The following PCSK7 variants were observed in gnomAD, a reference collection of about 807,000 sequenced individuals.
PCSK7 encodes the protein proprotein convertase subtilisin/kexin type 7, also known as lymphoma proprotein convertase.
PCSK7 carries 38 observed loss-of-function variants against 73.3 expected under a neutral mutation model. The ratio of observed to expected loss-of-function variants is 0.52; its 90% CI spans 0.40 to 0.68. PCSK7 has a LOEUF of 0.68. Among genes scored for constraint, PCSK7 ranks in the 30% least tolerant of loss-of-function variants. PCSK7 has a pLI of 0.00. For missense variants in PCSK7, 692 were observed against 991.5 expected (o/e 0.70, Z 4.06); for synonymous variants, 296 against 383.8 (o/e 0.77, Z 2.68).
rs758368549 is a variant in PCSK7 at position 117,228,198 on chromosome 11, C to T, written c.603+18G>A. On this transcript the variant is annotated intron_variant, in intron 4 of 16. Transcript: ENST00000320934. ...GTAAGACGTGGGGAGTGAGGGGTGT[C>T]GTTCCAGGGCCACTCACATAGTTGG... The T allele has an allele frequency of 2.5e-5, 41 of 1,611,260 alleles. No homozygotes were observed. The highest frequency in any genetic ancestry group is 1.6e-4 in the Middle Eastern group (1 of 6,078).
chr11:117,219,345 C>G, intron 10 of PCSK7, 181 bp from the exon 11 acceptor site: 1 of 633,406 alleles, frequency 1.6e-6, no homozygotes, highest in African/African-American at 1.8e-5. Flanking sequence ...TGTCACCACC[C>G]CACTGGCTTG....
chr11:117,218,577 G>C lies in PCSK7; in HGVS notation c.1432-9C>G. ...GGGACAGATGTCCAGATCTATGAAAGGAAAGGAGGGGATGGCAAATCAACA... is the reference window on the plus strand; with the variant it reads ...GGGACAGATGTCCAGATCTATGAAACGAAAGGAGGGGATGGCAAATCAACA... On this transcript the variant is annotated splice_polypyrimidine_tract_variant and intron_variant, in intron 11 of 16. Transcript: ENST00000320934. This position sits in a 1 kb window ranked among gnomAD's most constrained non-coding sequence, Gnocchi z 4.0. 4.8e-6 allele frequency: 7 copies of C among 1,465,462 alleles called. No individual in the cohort carries two copies. Among genetic ancestry groups the C allele is most frequent in the Non-Finnish European group, 6.6e-6 (7 of 1,057,256 alleles). The allele number at this position is 1,465,462 out of a possible 1,614,324, so 90.8% of individuals were successfully genotyped here.
chr11:117,219,275 C>T (rs551017767), intron 10 of PCSK7, 111 bp from the exon 11 acceptor site: 17 of 772,326 alleles, frequency 2.2e-5, no homozygotes, highest in Admixed American at 4.8e-5. Flanking sequence ...CGCTCTCCCA[C>T]TATGGCTACT....
chr11:117,229,655 C>T lies in PCSK7; in HGVS notation c.190G>A (p.Asp64Asn), dbSNP rs375981578. The change falls in exon 3 of 17, where the codon GAC becomes AAC. Residue 64 changes from aspartate to asparagine, a missense_variant. Physicochemically the swap from Asp to Asn is conservative, Grantham distance 23. This residue lies in a region of PCSK7 where 574 missense variants were observed against 689.8 expected (regional missense o/e 0.83). Transcript: ENST00000320934. ...WAVHLESLEG[D>N]GEEETLEQQA... ...TGCTCCAGAGTCTCTTCCTCCCCGT[C>T]ACCTTCCAGGCTTTCCAGGTGCACA... 31 of 1,613,834 alleles carry T rather than the reference C, an allele frequency of 1.9e-5. No homozygotes were observed. Among genetic ancestry groups the T allele is most frequent in the Non-Finnish European group, 2.3e-5 (27 of 1,179,810 alleles).
chr11:117,221,245 C>T (rs562494424), intron 9 of PCSK7: 1 of 152,400 alleles, frequency 6.6e-6, no homozygotes, highest in African/African-American at 2.4e-5. Flanking sequence ...AATTTTCACC[C>T]AGCCATGGCG....
rs747608375 is a variant in PCSK7 at position 117,224,681 on chromosome 11, T to C, written c.915+20A>G. 4 of 1,603,042 alleles carry C rather than the reference T, an allele frequency of 2.5e-6. No individual in the cohort carries two copies. The Admixed American group carries it at 6.7e-5, about 27-fold the overall frequency. On this transcript the variant is annotated intron_variant, in intron 7 of 16. Transcript: ENST00000320934. Reference sequence around the variant, plus strand: ...GAAGAGGGCATCCCGTTTCTCAGAGTCTTTGTGCAGGCCAGTTACCTTTCC... The same window carrying C: ...GAAGAGGGCATCCCGTTTCTCAGAGCCTTTGTGCAGGCCAGTTACCTTTCC...
intron 10 of PCSK7, 166 bp from the exon 11 acceptor site, chr11:117,219,330 C>T (rs2032106118): frequency 1.6e-6 from 1 of 644,200 alleles, no homozygotes; most frequent in African/African-American, 1.8e-5. Flanking sequence ...GGTCAAAGCC[C>T]ATGATGTCAC....
intron 12 of PCSK7, chr11:117,213,689 T>C (rs1350656895): frequency 2.0e-5 from 3 of 152,202 alleles, no homozygotes; most frequent in Non-Finnish European, 4.4e-5. Context: ...GCGTTCGCAG[T>C]GTACGCAGTG....
chr11:117,232,005 C>T (rs2032696195), intron 1 of PCSK7, 22 bp downstream of exon 1: 1 of 152,592 alleles, frequency 6.6e-6, no homozygotes, highest in African/African-American at 2.4e-5. Flanking sequence ...AGGTCCAGCC[C>T]CACACCTAGT....
At chr11:117,224,905 A>T in intron 6 of PCSK7, 150 bp from the exon 7 acceptor site, 1 of 680,798 alleles carries the variant, frequency 1.5e-6, no homozygotes, top group Non-Finnish European at 2.7e-6. Context: ...ATTAAAAGGC[A>T]CAGGGTTCAA....
chr11:117,219,234 C>T, intron 10 of PCSK7, 70 bp from the exon 11 acceptor site: 1 of 1,077,198 alleles, frequency 9.3e-7, no homozygotes, highest in Non-Finnish European at 1.4e-6. Context: ...ACTCTGGTTT[C>T]CCTGCTTGCC....
intron 10 of PCSK7, 169 bp downstream of exon 10, chr11:117,219,422 G>A: frequency 1.5e-6 from 1 of 685,356 alleles, no homozygotes; most frequent in Middle Eastern, 4.0e-4. Context: ...GTTTAGGCCT[G>A]TGGTCTTTGT....
At chr11:117,223,629 A>G in intron 8 of PCSK7, 1 of 390,918 alleles carries the variant, frequency 2.6e-6, no homozygotes, top group Non-Finnish European at 4.7e-6. Context: ...TGTGGGTCAC[A>G]CCCGTGCCAG....
intron 9 of PCSK7, 182 bp from the exon 10 acceptor site, chr11:117,219,940 A>AT: frequency 2.1e-6 from 1 of 469,372 alleles, no homozygotes; most frequent in Non-Finnish European, 3.8e-6. Context: ...TCTTTAAAAA[A>AT]TAAAAAAAGA....
intron 12 of PCSK7, chr11:117,217,749 A>G (rs2032042611): frequency 6.6e-6 from 1 of 152,240 alleles, no homozygotes; most frequent in East Asian, 1.9e-4. Flanking sequence ...ACTCCAGGAA[A>G]AAGAATCCCC....
At chr11:117,228,091 C>A (rs1233413707) in intron 4 of PCSK7, 125 bp downstream of exon 4, 1 of 878,608 alleles carries the variant, frequency 1.1e-6, no homozygotes, top group Non-Finnish European at 1.8e-6. Context: ...GAGGATGAAC[C>A]CCATCCCACC....
rs1055303474 is a variant in PCSK7 at position 117,204,780 on chromosome 11, C to T, written c.*1217G>A. On this transcript the variant is annotated 3_prime_UTR_variant, in exon 17 of 17. Coordinates refer to ENST00000320934, the MANE Select transcript of PCSK7 (RefSeq NM_004716.4). Reference sequence around the variant, plus strand: ...GAACTCAAAAAAAAAAAAAAAAAATCAATCTTTTCTCAGGCCTGGCTGGCA... The same window carrying T: ...GAACTCAAAAAAAAAAAAAAAAAATTAATCTTTTCTCAGGCCTGGCTGGCA... 3.4e-6 allele frequency: 1 copy of T among 295,114 alleles called. No homozygotes were observed. The highest frequency in any genetic ancestry group is 7.4e-5 in the East Asian group (1 of 13,552). The allele number at this position is 295,114 out of a possible 1,614,324, so 18.3% of individuals were successfully genotyped here. A position where few individuals can be genotyped will look rare whatever the true frequency, so the allele number is the denominator to read the frequency against.
At chr11:117,212,254 T>C (rs1208470965) in intron 12 of PCSK7, 1 of 152,206 alleles carries the variant, frequency 6.6e-6, no homozygotes, top group Non-Finnish European at 1.5e-5. Flanking sequence ...GTAAGCGTTA[T>C]GGATATTTCA....
At chr11:117,210,104 T>C (rs565352223) in intron 12 of PCSK7, 1 of 152,312 alleles carries the variant, frequency 6.6e-6, no homozygotes, top group South Asian at 2.1e-4. Context: ...TACACAAATA[T>C]TGACAGCATG....
Sources: allele counts gnomAD v4.1 joint callset, GRCh38; gene constraint gnomAD v4.1.1; regional missense constraint gnomAD v4.1.1; non-coding constraint Gnocchi (gnomAD v3.1); transcripts MANE v1.5; gene names NCBI Gene and HGNC (gene_info 2026-07-23, HGNC 2026-07-21).